Variants in KIAA1671 observed in about 807,000 individuals in gnomAD.
KIAA1671 encodes the protein KIAA1671, also known as uncharacterized protein KIAA1671.
KIAA1671 carries 52 observed loss-of-function variants against 131.2 expected under a neutral mutation model. The ratio of observed to expected loss-of-function variants is 0.40; its 90% CI spans 0.32 to 0.50. The LOEUF is 0.50. Ranked by LOEUF, KIAA1671 falls within the 20% of genes least tolerant of loss-of-function variation. The pLI is 0.73. For synonymous variants in KIAA1671, 1,003 were observed against 961.6 expected, an observed-to-expected ratio of 1.04 and a Z score of -0.80; for missense variants, 2,360 against 2,364.2, an observed-to-expected ratio of 1.00 and a Z score of 0.04.
chr22:25,186,792 A>T (rs1934490800), intron 11 of KIAA1671, among the ~76,000 whole-genome samples: 3 of 152,218 alleles, frequency 2.0e-5, no homozygotes, highest in Non-Finnish European at 4.4e-5. Flanking sequence ...GGGCTGTGGG[A>T]ACCAGAAGGT....
intron 1 of KIAA1671, among the ~76,000 whole-genome samples, chr22:24,956,517 T>A (rs1036304999): frequency 9.9e-5 from 15 of 152,132 alleles, no homozygotes; most frequent in East Asian, 5.8e-4. Context: ...TGGGTTTCAG[T>A]TGGGTGTGGA....
At chr22:25,163,331 A>ATTTTTTTTTTTTTTTTTTT (rs132895) in intron 6 of KIAA1671, among the ~76,000 whole-genome samples, 2 of 55,544 alleles carry the variant, frequency 3.6e-5, no homozygotes, top group African/African-American at 7.3e-5. Context: ...ATTGCCTCAA[A>ATTTTTTTTTTTTTTTTTTT]TTTTTTTTTT....
At chr22:25,104,599 C>G (rs1327956505) in intron 6 of KIAA1671, among the ~76,000 whole-genome samples, 1 of 152,174 alleles carries the variant, frequency 6.6e-6, no homozygotes, top group South Asian at 2.1e-4. Context: ...AGATACCCTT[C>G]TTTTGATTGT....
chr22:25,003,779 C>A (rs1034952790), intron 1 of KIAA1671, among the ~76,000 whole-genome samples: 1 of 151,704 alleles, frequency 6.6e-6, no homozygotes, highest in Non-Finnish European at 1.5e-5. Context: ...AGTATCCATA[C>A]ATTCAAATTT....
chr22:25,188,301 A>AAAACAAAC (rs59519027), intron 11 of KIAA1671, among the ~76,000 whole-genome samples: 48,991 of 151,492 alleles, frequency 0.32, 8,303 homozygotes, highest in East Asian at 0.48. Flanking sequence ...ACTCCGTCTC[A>AAAACAAAC]AAACAAACAA....
At chr22:25,186,637 G>A (rs1363480419) in intron 11 of KIAA1671, among the ~76,000 whole-genome samples, 1 of 152,204 alleles carries the variant, frequency 6.6e-6, no homozygotes. Context: ...GGAGATACTT[G>A]AACTGAATCA....
intron 10 of KIAA1671, among the ~76,000 whole-genome samples, chr22:25,183,219 A>G (rs562745614): frequency 1.3e-5 from 2 of 152,348 alleles, no homozygotes; most frequent in South Asian, 4.1e-4. Context: ...TGTGTATGCC[A>G]TGCAGGCCAC....
chr22:24,972,670 C>T (rs1922687841), intron 1 of KIAA1671, among the ~76,000 whole-genome samples: 2 of 151,754 alleles, frequency 1.3e-5, no homozygotes, highest in Admixed American at 1.3e-4. Context: ...CCCTTCCTTC[C>T]TTCCTTCCAG....
At chr22:25,070,425 CG>C (rs1188151283) in intron 6 of KIAA1671, 12 of 481,148 alleles carry the variant, frequency 2.5e-5, no homozygotes, top group South Asian at 4.4e-5. Context: ...GGGTGAGTGG[CG>C]GGGGGCAGTG....
intron 6 of KIAA1671, among the ~76,000 whole-genome samples, chr22:25,087,799 A>G (rs1929808302): frequency 6.6e-6 from 1 of 152,160 alleles, no homozygotes; most frequent in African/African-American, 2.4e-5. Context: ...ACTTCAGAGC[A>G]CTGGGGCAGC....
intron 6 of KIAA1671, among the ~76,000 whole-genome samples, chr22:25,126,495 T>G (rs1266255194): frequency 2.0e-5 from 3 of 152,234 alleles, no homozygotes; most frequent in African/African-American, 7.2e-5. Flanking sequence ...GATGACGTGT[T>G]GAGTTTCATT....
chr22:25,058,239 A>T (rs1927959426), intron 6 of KIAA1671: 1 of 152,182 alleles, frequency 6.6e-6, no homozygotes, highest in South Asian at 2.1e-4. Context: ...TTACAGGAAA[A>T]TTGGAATGAT....
rs1319188282 is a variant in KIAA1671, at chr22:25,029,516, C to T, written c.1517C>T (p.Pro506Leu). The T allele has an allele frequency of 6.5e-6, 10 of 1,545,730 alleles. No homozygotes were observed. The highest frequency in any genetic ancestry group is 1.7e-4 in the Middle Eastern group (1 of 5,988). ...EVRRRTFQARPLSADLTKLFS... is the reference protein window; with the variant it reads ...EVRRRTFQARLLSADLTKLFS... ...AGGAGGAGGACGTTCCAGGCTCGGCCGCTGTCGGCGGATTTGACCAAATTG... is the reference window on the plus strand; with the variant it reads ...AGGAGGAGGACGTTCCAGGCTCGGCTGCTGTCGGCGGATTTGACCAAATTG... Residue 506 changes from proline to leucine, a missense_variant, in exon 3 of 13, where the codon CCG becomes CTG. By Grantham distance (98) the Pro-to-Leu change is moderately conservative. This residue lies in a region of KIAA1671 where 1,185 missense variants were observed against 1,126.2 expected (regional missense o/e 1.05). Coordinates refer to ENST00000358431, the MANE Select transcript of KIAA1671 (RefSeq NM_001145206.2).
At chr22:25,044,560 C>T (rs917966651) in intron 5 of KIAA1671, among the ~76,000 whole-genome samples, 1 of 151,978 alleles carries the variant, frequency 6.6e-6, no homozygotes, top group South Asian at 2.1e-4. Context: ...TTTCTCACCA[C>T]GGGATTGGGA....
chr22:25,053,246 T>G (rs5996821), intron 6 of KIAA1671: 21,374 of 152,296 alleles, frequency 0.14, 1,532 homozygotes, highest in Non-Finnish European at 0.16. Flanking sequence ...CCCATCTCCC[T>G]TGTTACTTTC....
chr22:24,990,857 C>A (rs1369449897), intron 1 of KIAA1671, among the ~76,000 whole-genome samples: 2 of 152,156 alleles, frequency 1.3e-5, no homozygotes, highest in East Asian at 3.9e-4. Context: ...TGAGCTAGGT[C>A]CTTCTTGCCC....
chr22:25,027,882 C>A, intron 2 of KIAA1671, 63 bp from the exon 3 acceptor site: 2 of 808,446 alleles, frequency 2.5e-6, no homozygotes, highest in Non-Finnish European at 3.8e-6. Flanking sequence ...CTAAACCATT[C>A]TGCTTCAACC....
intron 1 of KIAA1671, among the ~76,000 whole-genome samples, chr22:25,007,001 G>A (rs764207051): frequency 1.3e-5 from 2 of 149,698 alleles, no homozygotes; most frequent in Non-Finnish European, 3.0e-5. Context: ...GCATTATTCT[G>A]TCTACTGAAA....
chr22:25,045,743 C>G (rs1042469555), intron 5 of KIAA1671, among the ~76,000 whole-genome samples: 1 of 152,018 alleles, frequency 6.6e-6, no homozygotes, highest in Non-Finnish European at 1.5e-5. Context: ...GTGCACACCA[C>G]CATTCCTGGC....
Sources: allele counts gnomAD v4.1 joint callset (sites outside exome capture counted in the v4.1 genomes callset), GRCh38; gene constraint gnomAD v4.1.1; regional missense constraint gnomAD v4.1.1; transcripts MANE v1.5; gene names NCBI Gene and HGNC (gene_info 2026-07-23, HGNC 2026-07-21).